Variants in CHORDC1 observed in about 807,000 individuals in gnomAD.
CHORDC1 encodes the protein cysteine and histidine rich domain containing 1, also known as cysteine and histidine-rich domain-containing protein 1.
Under a neutral mutation model 48.3 loss-of-function variants are expected in CHORDC1, and 25 were observed. The ratio of observed to expected loss-of-function variants is 0.52; its 90% CI spans 0.38 to 0.72. CHORDC1 has a LOEUF of 0.72. CHORDC1 is among the 30% of genes least tolerant of loss of function. The pLI is 0.00. For missense variants in CHORDC1, 317 were observed against 388.7 expected (o/e 0.82, Z 1.55); for synonymous variants, 128 against 126.4 (o/e 1.01, Z -0.09).
intron 6 of CHORDC1, chr11:90,207,440 T>A (rs1022614973): frequency 3.9e-5 from 6 of 152,090 alleles, no homozygotes; most frequent in Admixed American, 3.3e-4. Context: ...ATTTCTTAAA[T>A]AGAACATGGA....
At chr11:90,213,291 T>A in intron 4 of CHORDC1, 1 of 617,540 alleles carries the variant, frequency 1.6e-6, no homozygotes, top group South Asian at 1.9e-5. Context: ...AAATCATGAG[T>A]TCATAGCATG....
At chr11:90,214,637 G>A (rs1232546419) in intron 3 of CHORDC1, among the ~76,000 whole-genome samples, 1 of 151,984 alleles carries the variant, frequency 6.6e-6, no homozygotes, top group Admixed American at 6.6e-5. Context: ...TTTTCTGAGA[G>A]AGTTAAATAA....
At chr11:90,204,161 T>C (rs1404192238) in intron 8 of CHORDC1, among the ~76,000 whole-genome samples, 1 of 152,158 alleles carries the variant, frequency 6.6e-6, no homozygotes, top group East Asian at 1.9e-4. Context: ...CACTCACATT[T>C]TTCCCCTTAG....
intron 1 of CHORDC1, chr11:90,222,619 C>G (rs1196927965): frequency 3.0e-6 from 2 of 664,270 alleles, no homozygotes; most frequent in Admixed American, 4.1e-5. Context: ...AGTGCGGGGA[C>G]GACGGGGGAA....
At chr11:90,222,867 G>A (rs1591064773) in intron 1 of CHORDC1, 24 bp downstream of exon 1, 3 of 1,609,104 alleles carry the variant, frequency 1.9e-6, no homozygotes, top group East Asian at 2.2e-5. Context: ...AGGGGAGGGA[G>A]GGCTGGCGGC....
In CHORDC1 at chr11:90,202,892, C is replaced by A; in HGVS notation, c.790-17G>T. The A allele has an allele frequency of 6.3e-7, 1 of 1,575,874 alleles. No individual in the cohort carries two copies. Among genetic ancestry groups the A allele is most frequent in the Non-Finnish European group, 8.6e-7 (1 of 1,163,714 alleles). On this transcript the variant is annotated splice_polypyrimidine_tract_variant and intron_variant, in intron 9 of 10. Transcript: ENST00000320585. The stretch of plus-strand genomic sequence containing the variant: ...CACATTTAACTGAAAAAGATATACA[C>A]AGTTAATTGATCTAATTCAAACTGA...
intron 2 of CHORDC1, chr11:90,216,702 A>ATT: frequency 3.3e-6 from 1 of 303,446 alleles, no homozygotes; most frequent in South Asian, 2.8e-5. Context: ...CCAAATGATC[A>ATT]GAAAGTCAGT....
chr11:90,202,959 CA>C, intron 9 of CHORDC1, 84 bp from the exon 10 acceptor site: 1 of 1,423,608 alleles, frequency 7.0e-7, no homozygotes, highest in Non-Finnish European at 9.4e-7. Context: ...ATAAGACTGA[CA>C]AAAATGAATT....
intron 10 of CHORDC1, 98 bp from the exon 11 acceptor site, chr11:90,202,649 GCTTC>G (rs1255607065): frequency 7.7e-6 from 11 of 1,424,502 alleles, no homozygotes; most frequent in Admixed American, 7.1e-5. Context: ...CCAAATCCAA[GCTTC>G]TAAAGGCCTC....
intron 1 of CHORDC1, chr11:90,222,569 G>A (rs568513162): frequency 3.5e-6 from 2 of 573,236 alleles, no homozygotes; most frequent in Non-Finnish European, 6.5e-6. Flanking sequence ...AGGGCCAGAG[G>A]AGAAACGTGT....
At chr11:90,206,686 T>C (rs2135031993) in intron 6 of CHORDC1, 1 of 747,238 alleles carries the variant, frequency 1.3e-6, no homozygotes, top group Admixed American at 2.9e-5. Flanking sequence ...AATAAGCAAT[T>C]CTGGAAGTTC....
Position 90,219,634 on chromosome 11 carries a change from T to C in CHORDC1, c.65-1450A>G, listed in dbSNP as rs890515983. Among the ~76,000 whole-genome samples the C allele has an allele frequency of 2.0e-5, 3 of 152,248 alleles. No homozygotes were observed. The South Asian group carries it at 6.2e-4, about 32-fold the overall frequency. Reference sequence around the variant, plus strand: ...CATATGTGCCTTAAGGACATGTTCATGCTGCAGATAACTAGCCAGAGCCCA... The same window carrying C: ...CATATGTGCCTTAAGGACATGTTCACGCTGCAGATAACTAGCCAGAGCCCA... On this transcript the variant is annotated intron_variant, in intron 1 of 10. Transcript: ENST00000320585.
intron 2 of CHORDC1, among the ~76,000 whole-genome samples, chr11:90,217,457 T>C (rs1858043247): frequency 6.6e-6 from 1 of 152,170 alleles, no homozygotes; most frequent in African/African-American, 2.4e-5. Flanking sequence ...CCAAGAAGTA[T>C]AGCTGGAAAA....
intron 1 of CHORDC1, 22 bp downstream of exon 1, chr11:90,222,869 G>C (rs755810564): frequency 6.2e-7 from 1 of 1,609,742 alleles, no homozygotes; most frequent in Admixed American, 1.7e-5. Flanking sequence ...GGGAGGGAGG[G>C]CTGGCGGCGC....
chr11:90,211,132 G>A, intron 5 of CHORDC1, 83 bp downstream of exon 5: 1 of 877,786 alleles, frequency 1.1e-6, no homozygotes, highest in Non-Finnish European at 1.8e-6. Flanking sequence ...CTATTTATAT[G>A]CAGTAAACTA....
intron 2 of CHORDC1, among the ~76,000 whole-genome samples, chr11:90,215,509 G>A (rs184909856): frequency 3.3e-5 from 5 of 151,684 alleles, no homozygotes; most frequent in East Asian, 1.9e-4. Flanking sequence ...TTCAACAATC[G>A]TGTCTGCTTT....
Position 90,215,286 on chromosome 11 carries a change from C to G in CHORDC1, c.115-56G>C, listed in dbSNP as rs182283214. On this transcript the variant is annotated intron_variant, in intron 2 of 10. Coordinates refer to ENST00000320585, the MANE Select transcript of CHORDC1 (RefSeq NM_012124.3). Reference sequence around the variant, plus strand: ...CTCTATTTGCATGAGAAACACGACCCACTAAAACACTCTACTTGCACTTAT... The same window carrying G: ...CTCTATTTGCATGAGAAACACGACCGACTAAAACACTCTACTTGCACTTAT... 9.8e-5 allele frequency: 112 copies of G among 1,146,950 alleles called. 1 individual carries two copies. The Admixed American group carries it at 2.6e-3, about 27-fold the overall frequency. The allele number at this position is 1,146,950 out of a possible 1,614,324, so 71.0% of individuals were successfully genotyped here.
chr11:90,201,462 T>A lies in CHORDC1; in HGVS notation c.*943A>T, dbSNP rs990871669. On this transcript the variant is annotated 3_prime_UTR_variant, in exon 11 of 11. Transcript: ENST00000320585. ...AAAAAACTCCAAAACAATTAAGCTA[T>A]TTTTATTTAACATGTAATAGTCATA... The A allele has an allele frequency of 6.6e-6, 1 of 151,988 alleles. No individual in the cohort carries two copies. The highest frequency in any genetic ancestry group is 2.4e-5 in the African/African-American group (1 of 41,446). The allele number at this position is 151,988 out of a possible 1,614,324, so 9.4% of individuals were successfully genotyped here. A position where few individuals can be genotyped will look rare whatever the true frequency, so the allele number is the denominator to read the frequency against.
At chr11:90,221,335 T>C (rs1368912505) in intron 1 of CHORDC1, among the ~76,000 whole-genome samples, 2 of 152,198 alleles carry the variant, frequency 1.3e-5, no homozygotes, top group South Asian at 2.1e-4. Context: ...GAAAAATGTA[T>C]TCTAAGTCTC....
Sources: allele counts gnomAD v4.1 joint callset (sites outside exome capture counted in the v4.1 genomes callset), GRCh38; gene constraint gnomAD v4.1.1; transcripts MANE v1.5; gene names NCBI Gene and HGNC (gene_info 2026-07-23, HGNC 2026-07-21).